Variants in CELF5 observed in about 807,000 individuals in gnomAD.
CELF5 encodes the protein CUGBP Elav-like family member 5, also known as CUG-BP and ETR-3 like factor 5.
A neutral mutation model predicts 54.9 loss-of-function variants in CELF5; 6 were observed. That is an observed-to-expected ratio of 0.11 (90% CI 0.06 to 0.22). CELF5 has a LOEUF of 0.22. CELF5 is among the 10% of genes least tolerant of loss of function. CELF5 has a pLI of 1.00. For synonymous variants in CELF5, 271 were observed against 290.9 expected, an observed-to-expected ratio of 0.93 and a Z score of 0.70; for missense variants, 401 against 678.6, an observed-to-expected ratio of 0.59 and a Z score of 4.54.
chr19:3,245,484 C>T (rs1002907566), intron 1 of CELF5, among the ~76,000 whole-genome samples: 14 of 151,278 alleles, frequency 9.3e-5, no homozygotes, highest in Admixed American at 3.3e-4. Flanking sequence ...GGGCTGATGG[C>T]CTTAAATGTT....
intron 12 of CELF5, chr19:3,296,434 GAAAAAAAAAAAAAA>G (rs5826810): frequency 1.8e-5 from 1 of 54,862 alleles, no homozygotes; most frequent in African/African-American, 7.1e-5. Flanking sequence ...AAACCACACA[GAAAAAAAAAAAAAA>G]AAAAAAAAGA....
In CELF5 at chr19:3,282,382, C is replaced by A. The variant is rs976046852; in HGVS notation, c.923C>A (p.Thr308Asn). 1.2e-6 allele frequency: 2 copies of A among 1,611,004 alleles called. No individual in the cohort carries two copies. Among genetic ancestry groups the A allele is most frequent in the African/African-American group, 2.7e-5 (2 of 74,952 alleles). Reference sequence around the variant, plus strand: ...CACTCACCCCCGCTGCTGGGCACCACCGCTGTGCCTGGCCTCGTGGCTCCC... The same window carrying A: ...CACTCACCCCCGCTGCTGGGCACCAACGCTGTGCCTGGCCTCGTGGCTCCC... Reference protein sequence around the residue: ...GLHSPPLLGTTAVPGLVAPIT... With the variant: ...GLHSPPLLGTNAVPGLVAPIT... Residue 308 changes from threonine to asparagine, a missense_variant, in exon 8 of 13, where the codon ACC (threonine) becomes AAC (asparagine). This residue lies in a region of CELF5 where 143 missense variants were observed against 147.6 expected (regional missense o/e 0.97). Coordinates refer to ENST00000292672, the MANE Select transcript of CELF5 (RefSeq NM_021938.4). This position sits in a 1 kb window ranked among gnomAD's most constrained non-coding sequence, Gnocchi z 5.2.
At chr19:3,251,130 G>A (rs76821610) in intron 2 of CELF5, 63 bp downstream of exon 2, 28 of 1,245,218 alleles carry the variant, frequency 2.2e-5, no homozygotes, top group African/African-American at 4.4e-5. Context: ...TGGGGTGGGA[G>A]CCAAGGCTCT....
intron 8 of CELF5, among the ~76,000 whole-genome samples, chr19:3,283,055 T>C (rs1362952453): frequency 6.6e-6 from 1 of 152,184 alleles, no homozygotes; most frequent in Admixed American, 6.5e-5. Flanking sequence ...GGTCTCGAAC[T>C]CCTGACCTCA....
At position 3,282,274 on chromosome 19, in the gene CELF5, C is replaced by G; in HGVS notation, c.892+7C>G. 5 of 1,611,318 alleles carry G rather than the reference C, an allele frequency of 3.1e-6. No individual in the cohort carries two copies. The highest frequency in any genetic ancestry group is 2.2e-5 in the South Asian group (2 of 91,078). On this transcript the variant is annotated splice_region_variant and intron_variant, in intron 7 of 12. Coordinates refer to ENST00000292672, the MANE Select transcript of CELF5 (RefSeq NM_021938.4). This position sits in a 1 kb window ranked among gnomAD's most constrained non-coding sequence, Gnocchi z 5.2. ...CCCATCGCTCCTGCCTCTGGTGAGC[C>G]TCCTCCAGGCACCCAAGGATGGGTG...
intron 1 of CELF5, among the ~76,000 whole-genome samples, chr19:3,226,840 G>T (rs998439095): frequency 6.6e-6 from 1 of 151,964 alleles, no homozygotes; most frequent in Non-Finnish European, 1.5e-5. Flanking sequence ...GGTGAAGGAG[G>T]GGCTGGGGCT....
At chr19:3,231,579 T>G (rs1236998878) in intron 1 of CELF5, among the ~76,000 whole-genome samples, 20 of 113,154 alleles carry the variant, frequency 1.8e-4, no homozygotes, top group African/African-American at 3.4e-4. Context: ...ATGGATGGAT[T>G]TGTAGATGGG....
chr19:3,250,317 C>T (rs1225490062), intron 1 of CELF5, among the ~76,000 whole-genome samples: 13 of 151,892 alleles, frequency 8.6e-5, no homozygotes, highest in South Asian at 4.2e-4. Flanking sequence ...TGAAACCCCG[C>T]CTCTACTAAA....
At chr19:3,250,883 GGAAGCT>G in intron 1 of CELF5, 96 bp from the exon 2 acceptor site, 2 of 599,042 alleles carry the variant, frequency 3.3e-6, no homozygotes, top group South Asian at 2.6e-5. Context: ...ATCTGTGGAT[GGAAGCT>G]TGGGTTGCTT....
chr19:3,286,369 C>A (rs1185258730), intron 10 of CELF5: 2 of 291,032 alleles, frequency 6.9e-6, no homozygotes, highest in African/African-American at 2.2e-5. Flanking sequence ...GGTAATGAGG[C>A]CTCCCCAGTA....
At position 3,241,640 on chromosome 19, in the gene CELF5, A is replaced by C. The variant is rs530090809; in HGVS notation, c.260-9345A>C. Among the ~76,000 whole-genome samples, 5 of 152,120 alleles carry C rather than the reference A, an allele frequency of 3.3e-5. No individual in the cohort carries two copies. In the East Asian group the frequency reaches 7.7e-4, roughly 24 times the overall value. Reference sequence around the variant, plus strand: ...GTGGGTGGGGGATAAGCTGTGGCTCAGGCTGAGGCTTCCTTCAGGGGATCC... The same window carrying C: ...GTGGGTGGGGGATAAGCTGTGGCTCCGGCTGAGGCTTCCTTCAGGGGATCC... On this transcript the variant is annotated intron_variant, in intron 1 of 12. Coordinates refer to ENST00000292672, the MANE Select transcript of CELF5 (RefSeq NM_021938.4).
intron 2 of CELF5, among the ~76,000 whole-genome samples, chr19:3,264,960 T>G (rs2079860917): frequency 6.6e-6 from 1 of 151,340 alleles, no homozygotes; most frequent in South Asian, 2.1e-4. Flanking sequence ...GTGATCTGCC[T>G]GCCTCCGCCT....
At chr19:3,290,817 C>G (rs1323798446) in intron 11 of CELF5, among the ~76,000 whole-genome samples, 1 of 150,804 alleles carries the variant, frequency 6.6e-6, no homozygotes, top group Non-Finnish European at 1.5e-5. Flanking sequence ...CTGCCCGCCT[C>G]GGCCTCCCAA....
chr19:3,294,527 C>T (rs938337470), intron 12 of CELF5: 1 of 152,166 alleles, frequency 6.6e-6, no homozygotes, highest in Non-Finnish European at 1.5e-5. Flanking sequence ...GGTCAGCACA[C>T]ACAGATTTGG....
chr19:3,287,700 C>T (rs1279154788), intron 10 of CELF5, among the ~76,000 whole-genome samples: 1 of 152,134 alleles, frequency 6.6e-6, no homozygotes, highest in Non-Finnish European at 1.5e-5. Flanking sequence ...CTGCACTGAG[C>T]CAAGATCATG....
intron 1 of CELF5, among the ~76,000 whole-genome samples, chr19:3,246,382 G>GCT (rs1354075765): frequency 3.8e-5 from 5 of 129,940 alleles, no homozygotes; most frequent in African/African-American, 5.8e-5. Flanking sequence ...TCTCTCTCTG[G>GCT]CTCTCTCTCT....
In CELF5 at chr19:3,281,410, G is replaced by A. The variant is rs1196508055; in HGVS notation, c.750+65G>A. 7 of 1,530,986 alleles carry A rather than the reference G, an allele frequency of 4.6e-6. No homozygotes were observed. The highest frequency in any genetic ancestry group is 5.3e-6 in the Non-Finnish European group (6 of 1,131,412). 94.8% of individuals were successfully genotyped at this position (1,530,986 alleles called of 1,614,324 possible). A position where few individuals can be genotyped will look rare whatever the true frequency, so the allele number is the denominator to read the frequency against. ...CTCTCTCAGTCTCTGTCTACTCTCT[G>A]TCGGGCTCCTGCCTCTCCCTCCATC... is the stretch of plus-strand genomic sequence containing the variant. On this transcript the variant is annotated intron_variant, in intron 6 of 12. Transcript: ENST00000292672. The surrounding 1 kb of genome is among the most constrained non-coding windows in gnomAD (Gnocchi z 6.5).
chr19:3,262,849 G>A (rs922997887), intron 2 of CELF5, among the ~76,000 whole-genome samples: 1 of 152,074 alleles, frequency 6.6e-6, no homozygotes, highest in Non-Finnish European at 1.5e-5. Context: ...TGAGACAGGA[G>A]AATCACTTGA....
Position 3,284,939 on chromosome 19 carries a change from C to T in CELF5, c.1077C>T (p.Ala359=). 1 of 1,612,770 alleles carries T rather than the reference C, an allele frequency of 6.2e-7. No individual in the cohort carries two copies. The highest frequency in any genetic ancestry group is 8.5e-7 in the Non-Finnish European group (1 of 1,179,606). ...CTGTGGCCGAGACACTGCATCCTGC[C>T]TTCTCCGGAGTCCAGCAGTACACAG... ...SPTVAETLHP[A]FSGVQQYTAM... is the part of the protein sequence containing the mutation. The change falls in exon 9 of 13, where the codon GCC becomes GCT. Residue 359 remains alanine, a synonymous_variant. Coordinates refer to ENST00000292672, the MANE Select transcript of CELF5 (RefSeq NM_021938.4).
Sources: allele counts gnomAD v4.1 joint callset (sites outside exome capture counted in the v4.1 genomes callset), GRCh38; gene constraint gnomAD v4.1.1; regional missense constraint gnomAD v4.1.1; non-coding constraint Gnocchi (gnomAD v3.1); transcripts MANE v1.5; gene names NCBI Gene and HGNC (gene_info 2026-07-23, HGNC 2026-07-21).